The following TMPRSS6 variants were observed in gnomAD, a reference collection of about 807,000 sequenced individuals.
The protein encoded by TMPRSS6 is transmembrane serine protease 6, also known as transmembrane protease serine 6.
A neutral mutation model predicts 101.5 loss-of-function variants in TMPRSS6; 67 were observed. That is an observed-to-expected ratio of 0.66 (90% confidence interval 0.54 to 0.81). The LOEUF (loss-of-function observed/expected upper bound fraction) is 0.81. Ranked by LOEUF, TMPRSS6 falls within the 30% of genes least tolerant of loss-of-function variation. The pLI is 0.00. For missense variants in TMPRSS6, 1,034 were observed against 1,088.7 expected, an observed-to-expected ratio of 0.95 and a Z score of 0.71; for synonymous variants, 453 against 464.9, an observed-to-expected ratio of 0.97 and a Z score of 0.33.
chr22:37,093,993 A>G (rs5750380), intron 6 of TMPRSS6, among the ~76,000 whole-genome samples: 64,788 of 151,646 alleles, frequency 0.43, 14,027 homozygotes, highest in African/African-American at 0.48. Context: ...ACTGCACTCC[A>G]GCCTGGATGA....
chr22:37,091,081 C>A (rs548611632), intron 6 of TMPRSS6, among the ~76,000 whole-genome samples: 25 of 151,986 alleles, frequency 1.6e-4, no homozygotes, highest in South Asian at 4.2e-4. Context: ...GCAGTACCAC[C>A]TGCATCATTC....
At chr22:37,084,936 C>G in intron 8 of TMPRSS6, 97 bp from the exon 9 acceptor site, 1 of 859,618 alleles carries the variant, frequency 1.2e-6, no homozygotes, top group Admixed American at 2.0e-5. Context: ...CCACCTCTGC[C>G]AGCAAATTGC....
At chr22:37,085,404 G>A (rs943061710) in intron 8 of TMPRSS6, among the ~76,000 whole-genome samples, 13 of 152,178 alleles carry the variant, frequency 8.5e-5, no homozygotes, top group East Asian at 7.7e-4. Context: ...CCCATTTAGC[G>A]CTCCAGTTTG....
intron 8 of TMPRSS6, 149 bp downstream of exon 8, chr22:37,086,134 G>A: frequency 9.7e-7 from 1 of 1,028,108 alleles, no homozygotes; most frequent in Non-Finnish European, 1.5e-6. Context: ...GGCCGGGGTG[G>A]GGAGTGGAGA....
intron 11 of TMPRSS6, 37 bp from the exon 12 acceptor site, chr22:37,074,745 C>T (rs375137058): frequency 6.3e-5 from 101 of 1,605,792 alleles, no homozygotes; most frequent in Middle Eastern, 3.3e-4. Flanking sequence ...GCAGGCAGGG[C>T]GCCATTAGGC....
chr22:37,070,633 G>A lies in TMPRSS6; in HGVS notation c.1692C>T (p.Pro564=). The change falls in exon 15 of 18, where the codon CCC becomes CCT. Residue 564 remains proline, a synonymous_variant. Transcript: ENST00000676104. ...EEHCDCGLQG[P]SSRIVGGAVS... ...CAGCTCCACCAACAATGCGGCTGGA[G>A]GGGCCCTGGAGGCCACAGTCTGGGG... 1.2e-6 allele frequency: 2 copies of A among 1,613,066 alleles called. No individual in the cohort carries two copies. Among genetic ancestry groups the A allele is most frequent in the Non-Finnish European group, 1.7e-6 (2 of 1,179,976 alleles).
chr22:37,095,942 C>T lies in TMPRSS6; in HGVS notation c.553G>A (p.Glu185Lys), dbSNP rs761779631. Reference protein sequence around the residue: ...NSSAAVPYRAEYEVDPEGLVI... With the variant: ...NSSAAVPYRAKYEVDPEGLVI... ...AGGCCCTCGGGGTCCACTTCGTACT[C>T]GGCCCTGTAGGGGACGGCAGCCGAG... is the stretch of plus-strand genomic sequence containing the variant. The change falls in exon 5 of 18, where the codon GAG becomes AAG. Residue 185 changes from glutamate (E) to lysine (K), a missense_variant. Coordinates refer to ENST00000676104, the MANE Select transcript of TMPRSS6 (RefSeq NM_001374504.1). The T allele has an allele frequency of 1.9e-6, 3 of 1,614,162 alleles. No individual in the cohort carries two copies. Among genetic ancestry groups the T allele is most frequent in the Admixed American group, 1.7e-5 (1 of 60,022 alleles).
intron 9 of TMPRSS6, 21 bp downstream of exon 9, chr22:37,084,706 G>A: frequency 1.3e-6 from 2 of 1,540,824 alleles, no homozygotes; most frequent in Non-Finnish European, 1.8e-6. Context: ...GGGCAGGTGG[G>A]CAGGCAGGGT....
chr22:37,097,050 T>C (rs556455152), intron 3 of TMPRSS6, among the ~76,000 whole-genome samples: 2 of 152,236 alleles, frequency 1.3e-5, no homozygotes, highest in South Asian at 4.2e-4. Flanking sequence ...TCCCATGGCC[T>C]GGGACAAGCC....
Position 37,069,002 on chromosome 22 carries a change from C to A in TMPRSS6, c.2113+71G>T. ...CCGGGACCCCCAGCCCCGCCCTTCT[C>A]CAGGCCAGGTGTTACGGCGCAGATC... is the stretch of plus-strand genomic sequence containing the variant. On this transcript the variant is annotated intron_variant, in intron 16 of 17. Transcript: ENST00000676104. This position sits in a 1 kb window ranked among gnomAD's most constrained non-coding sequence, Gnocchi z 4.8. The A allele has an allele frequency of 1.3e-6, 2 of 1,521,986 alleles. No individual in the cohort carries two copies. Among genetic ancestry groups the A allele is most frequent in the Non-Finnish European group, 1.8e-6 (2 of 1,140,252 alleles). 94.3% of individuals were successfully genotyped at this position (1,521,986 alleles called of 1,614,324 possible). A position where few individuals can be genotyped will look rare whatever the true frequency, so the allele number is the denominator to read the frequency against.
intron 1 of TMPRSS6, among the ~76,000 whole-genome samples, chr22:37,105,632 T>C (rs1930668927): frequency 6.6e-6 from 1 of 152,060 alleles, no homozygotes; most frequent in Non-Finnish European, 1.5e-5. Flanking sequence ...CAGTCCCTCG[T>C]CCCCTCCCTC....
chr22:37,096,665 G>C lies in TMPRSS6; in HGVS notation c.387C>G (p.Ser129Arg). The C allele has an allele frequency of 6.4e-7, 1 of 1,565,674 alleles. No homozygotes were observed. The highest frequency in any genetic ancestry group is 8.7e-7 in the Non-Finnish European group (1 of 1,154,036). Residue 129 changes from serine (S) to arginine (R), a missense_variant, in exon 4 of 18, where the codon AGC becomes AGG. Ser to Arg is a moderately radical substitution (Grantham distance 110, BLOSUM62 -1). Transcript: ENST00000676104. ...STRLGTYYNS[S>R]SVYSFGEGPL... ...CAACTCACCCAAAGGAATAGACGGA[G>C]CTGGAGTTGTAGTAAGTTCCCAGGC...
Position 37,070,593 on chromosome 22 carries a change from C to A in TMPRSS6, c.1732G>T (p.Glu578Ter), listed in dbSNP as rs752715926. The change falls in exon 15 of 18, where the codon GAG becomes TAG. Residue 578 changes from glutamate to a stop codon, truncating the protein, a stop_gained. Transcript: ENST00000676104. LOFTEE classifies it high-confidence loss of function. ...TGGAGGCTGGCCTGCCATGGCCACT[C>A]ACCCTCGGAGGACACAGCTCCACCA... ...IVGGAVSSEG[E>*]WPWQASLQVR... is the part of the protein sequence containing the mutation. The A allele has an allele frequency of 1.2e-6, 2 of 1,613,278 alleles. No individual in the cohort carries two copies. Among genetic ancestry groups the A allele is most frequent in the Non-Finnish European group, 1.7e-6 (2 of 1,180,032 alleles).
Position 37,103,609 on chromosome 22 carries a change from C to A in TMPRSS6, c.-1-191G>T. 1 of 1,607,906 alleles carries A rather than the reference C, an allele frequency of 6.2e-7. No homozygotes were observed. Among genetic ancestry groups the A allele is most frequent in the Non-Finnish European group, 8.5e-7 (1 of 1,177,352 alleles). On this transcript the variant is annotated intron_variant, in intron 1 of 17. Coordinates refer to ENST00000676104, the MANE Select transcript of TMPRSS6 (RefSeq NM_001374504.1). This position sits in a 1 kb window ranked among gnomAD's most constrained non-coding sequence, Gnocchi z 4.4. ...GAGGGAAGTGCATCTCAGGTCAGCT[C>A]GCACCAGAGGGCAGGCACCAGAGCT...
intron 1 of TMPRSS6, among the ~76,000 whole-genome samples, chr22:37,108,850 A>G (rs1422307069): frequency 6.6e-6 from 1 of 152,078 alleles, no homozygotes; most frequent in Non-Finnish European, 1.5e-5. Context: ...TTTCAGTGAA[A>G]CCATTAGGCC....
chr22:37,067,384 C>T (rs540141966), intron 16 of TMPRSS6, among the ~76,000 whole-genome samples: 14 of 152,200 alleles, frequency 9.2e-5, no homozygotes, highest in South Asian at 2.1e-4. Flanking sequence ...GCAGGAGAAC[C>T]GCTTGAACCC....
Position 37,070,591 on chromosome 22 carries a change from C to G in TMPRSS6, c.1734G>C (p.Glu578Asp), listed in dbSNP as rs139272700. Reference protein sequence around the residue: ...IVGGAVSSEGEWPWQASLQVR... With the variant: ...IVGGAVSSEGDWPWQASLQVR... Reference sequence around the variant, plus strand: ...CCTGGAGGCTGGCCTGCCATGGCCACTCACCCTCGGAGGACACAGCTCCAC... The same window carrying G: ...CCTGGAGGCTGGCCTGCCATGGCCAGTCACCCTCGGAGGACACAGCTCCAC... Residue 578 changes from glutamate to aspartate, a missense_variant, in exon 15 of 18, where the codon GAG (glutamate) becomes GAC (aspartate). Glu to Asp is a conservative substitution (Grantham distance 45). Coordinates refer to ENST00000676104, the MANE Select transcript of TMPRSS6 (RefSeq NM_001374504.1). 1.2e-6 allele frequency: 2 copies of G among 1,613,256 alleles called. No homozygotes were observed. The highest frequency in any genetic ancestry group is 1.7e-6 in the Non-Finnish European group (2 of 1,180,030).
rs369526880 is a variant in TMPRSS6, at chr22:37,069,029, G to A, written c.2113+44C>T. On this transcript the variant is annotated intron_variant, in intron 16 of 17. Coordinates refer to ENST00000676104, the MANE Select transcript of TMPRSS6 (RefSeq NM_001374504.1). The surrounding 1 kb of genome is among the most constrained non-coding windows in gnomAD (Gnocchi z 4.8). ...AGGCCAGGTGTTACGGCGCAGATCC[G>A]CACGGTCTCCCTCCGCCTCCCGCCG... The A allele has an allele frequency of 2.6e-6, 4 of 1,532,766 alleles. No homozygotes were observed. In the East Asian group the frequency reaches 7.3e-5, roughly 28 times the overall value. 94.9% of individuals were successfully genotyped at this position (1,532,766 alleles called of 1,614,324 possible). A position where few individuals can be genotyped will look rare whatever the true frequency, so the allele number is the denominator to read the frequency against.
intron 6 of TMPRSS6, among the ~76,000 whole-genome samples, chr22:37,090,327 G>A (rs1212406723): frequency 6.6e-5 from 10 of 152,238 alleles, no homozygotes; most frequent in Admixed American, 4.6e-4. Flanking sequence ...AGAAGGTTGG[G>A]CAAGGCTGGA....
Sources: gnomAD v4.1 joint callset for allele counts (sites outside exome capture counted in the v4.1 genomes callset) on GRCh38, gnomAD v4.1.1 for gene constraint, Gnocchi (gnomAD v3.1) non-coding constraint, MANE v1.5 for transcripts, NCBI Gene and HGNC (gene_info 2026-07-23, HGNC 2026-07-21) for gene names.